The following PABPC4L variants were observed in gnomAD, a reference collection of about 807,000 sequenced individuals.
The protein encoded by PABPC4L is polyadenylate-binding protein 4-like.
For missense variants in PABPC4L, 452 were observed against 451.4 expected (o/e 1.00, Z -0.01); for synonymous variants, 169 against 164.1 (o/e 1.03, Z -0.23).
At chr4:133,970,721 G>A in the PABPC4L span, among the ~76,000 whole-genome samples, 2 of 152,070 alleles carry the variant, frequency 1.3e-5, no homozygotes, top group African/African-American at 4.8e-5. Context: ...AGGGATTTGG[G>A]TAGGTGATTA....
the PABPC4L span, among the ~76,000 whole-genome samples, chr4:134,013,706 A>G: frequency 6.6e-6 from 1 of 151,892 alleles, no homozygotes; most frequent in African/African-American, 2.4e-5. Context: ...CTCTGTTCCC[A>G]ATGCAACTCC....
chr4:134,004,612 A>G, the PABPC4L span, among the ~76,000 whole-genome samples: 4 of 151,912 alleles, frequency 2.6e-5, no homozygotes, highest in African/African-American at 7.2e-5. Context: ...ACTACTGTGT[A>G]TATATTCAAA....
At chr4:134,173,325 A>G in the PABPC4L span, among the ~76,000 whole-genome samples, 1 of 152,198 alleles carries the variant, frequency 6.6e-6, no homozygotes, top group Admixed American at 6.5e-5. Flanking sequence ...TACAGAATCA[A>G]CCTAAGTATC....
chr4:134,079,483 G>A, the PABPC4L span, among the ~76,000 whole-genome samples: 2 of 149,268 alleles, frequency 1.3e-5, no homozygotes, highest in Non-Finnish European at 3.0e-5. Context: ...AGAGGCTGAG[G>A]CAGGAGAATG....
the PABPC4L span, among the ~76,000 whole-genome samples, chr4:134,174,906 T>A: frequency 1.3e-5 from 2 of 152,150 alleles, no homozygotes; most frequent in Non-Finnish European, 2.9e-5. Flanking sequence ...CTTTAGCGGG[T>A]TTTGAAATAG....
the PABPC4L span, among the ~76,000 whole-genome samples, chr4:134,106,086 G>T: frequency 2.0e-5 from 3 of 151,452 alleles, no homozygotes; most frequent in East Asian, 3.9e-4. Flanking sequence ...GTTTTATTAT[G>T]GTCAATATTA....
At chr4:134,021,458 T>C in the PABPC4L span, among the ~76,000 whole-genome samples, 1 of 152,152 alleles carries the variant, frequency 6.6e-6, no homozygotes, top group Non-Finnish European at 1.5e-5. Flanking sequence ...TTCTTTGCAC[T>C]AGTTCCCATA....
At chr4:134,172,649 A>G in the PABPC4L span, among the ~76,000 whole-genome samples, 9 of 152,126 alleles carry the variant, frequency 5.9e-5, no homozygotes, top group African/African-American at 1.7e-4. Flanking sequence ...ACGACAACAA[A>G]AAACTGGCAA....
At chr4:133,952,824 G>T in the PABPC4L span, among the ~76,000 whole-genome samples, 1 of 151,952 alleles carries the variant, frequency 6.6e-6, no homozygotes, top group Non-Finnish European at 1.5e-5. Context: ...TAGTTTCTGC[G>T]TCGGGGACAT....
chr4:134,176,854 C>A, the PABPC4L span, among the ~76,000 whole-genome samples: 100,629 of 151,826 alleles, frequency 0.66, 34,162 homozygotes, highest in East Asian at 1. Flanking sequence ...CGCCCCCATA[C>A]CCCCACTGCA....
At chr4:133,956,822 T>G in the PABPC4L span, among the ~76,000 whole-genome samples, 7 of 152,182 alleles carry the variant, frequency 4.6e-5, no homozygotes, top group African/African-American at 1.4e-4. Context: ...CAGGAAGAAG[T>G]GGTGAGCAAA....
At chr4:134,051,773 A>C in the PABPC4L span, among the ~76,000 whole-genome samples, 1 of 152,086 alleles carries the variant, frequency 6.6e-6, no homozygotes, top group Non-Finnish European at 1.5e-5. Context: ...AGGAAATATC[A>C]CATTTTAATG....
At chr4:133,964,388 A>T in the PABPC4L span, among the ~76,000 whole-genome samples, 28 of 152,180 alleles carry the variant, frequency 1.8e-4, no homozygotes, top group African/African-American at 6.7e-4. Flanking sequence ...ATTCTACCAG[A>T]CATTCAAAGA....
chr4:134,171,300 G>T, the PABPC4L span, among the ~76,000 whole-genome samples: 19 of 152,160 alleles, frequency 1.2e-4, no homozygotes, highest in African/African-American at 4.6e-4. Context: ...ATTTTTAGTA[G>T]ATATGGGGTT....
At chr4:133,963,290 T>C in the PABPC4L span, among the ~76,000 whole-genome samples, 1 of 152,100 alleles carries the variant, frequency 6.6e-6, no homozygotes, top group Non-Finnish European at 1.5e-5. Flanking sequence ...CAGGAAAATA[T>C]TACAATCCTA....
chr4:134,164,698 C>A, the PABPC4L span, among the ~76,000 whole-genome samples: 114 of 152,068 alleles, frequency 7.5e-4, 1 homozygote, highest in South Asian at 0.023. Flanking sequence ...GACCATACTG[C>A]CCAAAAGAAT....
At chr4:133,948,967 G>T in the PABPC4L span, among the ~76,000 whole-genome samples, 1 of 152,156 alleles carries the variant, frequency 6.6e-6, no homozygotes, top group Non-Finnish European at 1.5e-5. Flanking sequence ...GTTTGAGTTG[G>T]TGAATAGCCT....
chr4:134,079,909 T>G, the PABPC4L span, among the ~76,000 whole-genome samples: 2 of 152,146 alleles, frequency 1.3e-5, no homozygotes, highest in Admixed American at 1.3e-4. Context: ...CTATATAGTT[T>G]AAAAAAATTT....
chr4:133,958,967 G>A, the PABPC4L span, among the ~76,000 whole-genome samples: 1 of 152,126 alleles, frequency 6.6e-6, no homozygotes, highest in Non-Finnish European at 1.5e-5. Context: ...TGCTCCCTTT[G>A]TCCAATCATA....
Sources: allele counts gnomAD v4.1 joint callset (sites outside exome capture counted in the v4.1 genomes callset), GRCh38; gene constraint gnomAD v4.1.1; transcripts MANE v1.5; gene names NCBI Gene and HGNC (gene_info 2026-07-23, HGNC 2026-07-21).